Variants in GFOD1 observed in about 807,000 individuals in gnomAD.
GFOD1 encodes the protein Gfo/Idh/MocA-like oxidoreductase domain containing 1.
In GFOD1, 9 loss-of-function variants were observed where a neutral mutation model predicts 25.4. The ratio of observed to expected loss-of-function variants is 0.35; its 90% CI spans 0.21 to 0.62. GFOD1 has a LOEUF of 0.62. Ranked by LOEUF, GFOD1 falls within the 20% of genes least tolerant of loss-of-function variation. The probability of loss-of-function intolerance (pLI) is 0.72; values close to 1 mark genes in which losing one functional copy is unlikely to be tolerated. For missense variants in GFOD1, 403 were observed against 556.9 expected (o/e 0.72, Z 2.78); for synonymous variants, 253 against 245.6 (o/e 1.03, Z -0.28).
At chr6:13,472,252 C>T (rs1758524838) in intron 1 of GFOD1, among the ~76,000 whole-genome samples, 1 of 152,100 alleles carries the variant, frequency 6.6e-6, no homozygotes, top group Non-Finnish European at 1.5e-5. Flanking sequence ...ACAGCCAAAC[C>T]ACATCAAAAC....
At chr6:13,366,118 A>G (rs1186499306) in intron 1 of GFOD1, among the ~76,000 whole-genome samples, 1 of 152,004 alleles carries the variant, frequency 6.6e-6, no homozygotes, top group African/African-American at 2.4e-5. Flanking sequence ...ATGAAAATAA[A>G]AAAGATATTC....
At chr6:13,420,122 C>T (rs934318921) in intron 1 of GFOD1, among the ~76,000 whole-genome samples, 2 of 151,216 alleles carry the variant, frequency 1.3e-5, no homozygotes, top group African/African-American at 2.4e-5. Flanking sequence ...CCTTCTGGCT[C>T]GCATGGGATC....
Position 13,469,620 on chromosome 6 carries a change from C to T in GFOD1, c.253+17018G>A, listed in dbSNP as rs1227956415. 12 of 1,108,166 alleles carry T rather than the reference C, an allele frequency of 1.1e-5. No homozygotes were observed. In the East Asian group the frequency reaches 6.1e-4, roughly 57 times the overall value. 68.6% of individuals were successfully genotyped at this position (1,108,166 alleles called of 1,614,324 possible). A position where few individuals can be genotyped will look rare whatever the true frequency, so the allele number is the denominator to read the frequency against. ...ACTTGTTCTTAGCCATGTACACTTG[C>T]CAAAATACCATATTTCACATAATCT... On this transcript the variant is annotated intron_variant, in intron 1 of 1. Transcript: ENST00000379287.
intron 1 of GFOD1, among the ~76,000 whole-genome samples, chr6:13,435,923 T>C (rs1233920970): frequency 6.6e-6 from 1 of 152,240 alleles, no homozygotes; most frequent in East Asian, 1.9e-4. Context: ...TGTTTACAAA[T>C]ATAATTAGAA....
At chr6:13,482,133 A>C (rs577618404) in intron 1 of GFOD1, among the ~76,000 whole-genome samples, 154 of 148,914 alleles carry the variant, frequency 1.0e-3, no homozygotes, top group African/African-American at 3.5e-3. Context: ...ATGTGCATAC[A>C]TGTATATCTA....
intron 1 of GFOD1, among the ~76,000 whole-genome samples, chr6:13,477,491 C>T (rs1758654261): frequency 2.0e-5 from 3 of 152,040 alleles, no homozygotes; most frequent in South Asian, 4.2e-4. Context: ...GACTATGTCT[C>T]GTGGCACTCC....
chr6:13,383,700 C>T (rs925649303), intron 1 of GFOD1, among the ~76,000 whole-genome samples: 5 of 152,222 alleles, frequency 3.3e-5, no homozygotes, highest in Non-Finnish European at 7.3e-5. Context: ...AAACCCAACC[C>T]TATGTAAACA....
At chr6:13,428,513 GCGA>G (rs1268683145) in intron 1 of GFOD1, among the ~76,000 whole-genome samples, 2 of 110,892 alleles carry the variant, frequency 1.8e-5, no homozygotes, top group Admixed American at 7.8e-5. Flanking sequence ...CCAGTGCGAT[GCGA>G]TGCGCTGGCT....
intron 1 of GFOD1, among the ~76,000 whole-genome samples, chr6:13,475,788 G>T (rs1366963154): frequency 6.6e-6 from 1 of 150,732 alleles, no homozygotes; most frequent in Non-Finnish European, 1.5e-5. Context: ...GCCAGGCATG[G>T]TGGCGCACAC....
chr6:13,431,451 C>T (rs910634041), intron 1 of GFOD1, among the ~76,000 whole-genome samples: 29 of 152,184 alleles, frequency 1.9e-4, no homozygotes, highest in Non-Finnish European at 2.4e-4. Flanking sequence ...CTTGACTAGC[C>T]GCACTTTCAC....
chr6:13,387,916 A>C (rs548766350), intron 1 of GFOD1, among the ~76,000 whole-genome samples: 2 of 152,360 alleles, frequency 1.3e-5, no homozygotes, highest in East Asian at 3.9e-4. Context: ...AACTTCAGCA[A>C]AGTCTCAGGA....
rs925506336 is a variant in GFOD1, at chr6:13,384,010, C to T, written c.254-18348G>A. On this transcript the variant is annotated intron_variant, in intron 1 of 1. Transcript: ENST00000379287. ...GGGAGGCCGAGGCAGGTGGATCACC[C>T]GAGGTCAGGAGTTCAAGAGCAGCCT... Among the ~76,000 whole-genome samples, 9 of 152,058 alleles carry T rather than the reference C, an allele frequency of 5.9e-5. No homozygotes were observed. In the East Asian group the frequency reaches 9.7e-4, roughly 16 times the overall value.
chr6:13,402,185 A>G (rs976098123), intron 1 of GFOD1, among the ~76,000 whole-genome samples: 1 of 152,236 alleles, frequency 6.6e-6, no homozygotes, highest in Non-Finnish European at 1.5e-5. Flanking sequence ...GCAAAAATTT[A>G]CTCAATATGG....
intron 1 of GFOD1, among the ~76,000 whole-genome samples, chr6:13,434,674 AAGG>A: frequency 6.6e-6 from 1 of 152,356 alleles, no homozygotes; most frequent in South Asian, 2.1e-4. Flanking sequence ...CTTGAACTGG[AAGG>A]AGAAGTAGAC....
At position 13,358,120 on chromosome 6, in the gene GFOD1, T is replaced by C. The variant is rs1476860257; in HGVS notation, c.*6623A>G. 6.6e-6 allele frequency: 1 copy of C among 152,218 alleles called. No homozygotes were observed. Among genetic ancestry groups the C allele is most frequent in the Non-Finnish European group, 1.5e-5 (1 of 68,040 alleles). The allele number at this position is 152,218 out of a possible 1,614,324, so 9.4% of individuals were successfully genotyped here. On this transcript the variant is annotated 3_prime_UTR_variant, in exon 2 of 2. Coordinates refer to ENST00000379287, the MANE Select transcript of GFOD1 (RefSeq NM_018988.4). ...AACAGTTGCATTCATTGTCTTTTTT[T>C]TTCTTCTTTTTTTCCTTTAATAATA...
At chr6:13,377,739 G>A (rs376799471) in intron 1 of GFOD1, among the ~76,000 whole-genome samples, 23 of 152,160 alleles carry the variant, frequency 1.5e-4, no homozygotes, top group South Asian at 8.3e-4. Context: ...CTCCAGCCCC[G>A]TCCACTCATT....
chr6:13,371,308 C>G (rs760466136), intron 1 of GFOD1, among the ~76,000 whole-genome samples: 12 of 152,166 alleles, frequency 7.9e-5, no homozygotes, highest in Non-Finnish European at 1.6e-4. Context: ...CTGTGCACAG[C>G]CTAAGGAGGC....
chr6:13,464,481 T>C (rs1348949650), intron 1 of GFOD1, among the ~76,000 whole-genome samples: 1 of 152,226 alleles, frequency 6.6e-6, no homozygotes, highest in African/African-American at 2.4e-5. Flanking sequence ...TATAGTTCTA[T>C]AGTTCTTAGA....
At chr6:13,372,385 A>G in intron 1 of GFOD1, among the ~76,000 whole-genome samples, 1 of 152,216 alleles carries the variant, frequency 6.6e-6, no homozygotes, top group East Asian at 1.9e-4. Context: ...CAAAATATTC[A>G]TGGCCCTCCT....
Sources: allele counts gnomAD v4.1 joint callset (sites outside exome capture counted in the v4.1 genomes callset), GRCh38; gene constraint gnomAD v4.1.1; transcripts MANE v1.5; gene names NCBI Gene and HGNC (gene_info 2026-07-23, HGNC 2026-07-21).